Variants in SLC13A3 observed in about 807,000 individuals in gnomAD.
SLC13A3 encodes solute carrier family 13 member 3.
Under a neutral mutation model 59.0 loss-of-function variants are expected in SLC13A3, and 40 were observed. The ratio of observed to expected loss-of-function variants is 0.68; its 90% confidence interval spans 0.53 to 0.88. The LOEUF (loss-of-function observed/expected upper bound fraction) is 0.88. Among genes scored for constraint, SLC13A3 ranks in the 40% least tolerant of loss-of-function variants. SLC13A3 has a pLI of 0.00. For synonymous variants in SLC13A3, 317 were observed against 330.3 expected (o/e 0.96, Z 0.44); for missense variants, 699 against 783.2 (o/e 0.89, Z 1.28).
chr20:46,659,798 C>G (rs1006224694), intron 1 of SLC13A3, among the ~76,000 whole-genome samples: 2 of 151,436 alleles, frequency 1.3e-5, no homozygotes, highest in Admixed American at 1.3e-4. Flanking sequence ...CATTTACCAC[C>G]CTCTTCTCTT....
intron 11 of SLC13A3, 59 bp from the exon 12 acceptor site, chr20:46,563,610 A>AGAGAGAGAGAGAGAGAG: frequency 1.8e-6 from 1 of 560,470 alleles, no homozygotes; most frequent in East Asian, 8.9e-5. Flanking sequence ...CGACCACAGC[A>AGAGAGAGAGAGAGAGAG]AGAGGGAGAG....
chr20:46,606,113 A>C (rs2062435455), intron 3 of SLC13A3, among the ~76,000 whole-genome samples: 1 of 152,226 alleles, frequency 6.6e-6, no homozygotes. Flanking sequence ...GATTCACAAC[A>C]ATGAGAAAGA....
intron 1 of SLC13A3, among the ~76,000 whole-genome samples, chr20:46,639,391 G>A (rs751909088): frequency 1.7e-4 from 26 of 152,218 alleles, no homozygotes; most frequent in Non-Finnish European, 3.1e-4. Context: ...CCTGGGAGGC[G>A]GAGGTTGCAG....
At chr20:46,562,238 A>C (rs959675598) in intron 12 of SLC13A3, among the ~76,000 whole-genome samples, 1 of 152,172 alleles carries the variant, frequency 6.6e-6, no homozygotes, top group African/African-American at 2.4e-5. Context: ...GGTTTGAATA[A>C]GATACCAAGT....
intron 1 of SLC13A3, among the ~76,000 whole-genome samples, chr20:46,648,942 T>TACACACAC (rs113495144): frequency 4.4e-5 from 5 of 114,694 alleles, no homozygotes; most frequent in African/African-American, 1.5e-4. Context: ...CACACACACA[T>TACACACAC]ACACACACAC....
intron 10 of SLC13A3, among the ~76,000 whole-genome samples, chr20:46,574,890 T>A (rs1398564715): frequency 2.0e-5 from 3 of 147,940 alleles, no homozygotes; most frequent in African/African-American, 7.5e-5. Flanking sequence ...CAGGCTGGAG[T>A]ACAGTATTAT....
chr20:46,585,760 A>G (rs1410720076), intron 8 of SLC13A3: 4 of 1,289,388 alleles, frequency 3.1e-6, no homozygotes, highest in Non-Finnish European at 4.1e-6. Context: ...AAAATAAAGC[A>G]TCTACATTTT....
rs1021580398 is a variant in SLC13A3 at position 46,600,279 on chromosome 20, A to G, written c.542-242T>C. On this transcript the variant is annotated intron_variant, in intron 3 of 12. Coordinates refer to ENST00000279027, the MANE Select transcript of SLC13A3 (RefSeq NM_022829.6). ...AAGGAAGGAAAGGAAAGGAAAGGAA[A>G]GGAAAGGGAGGGAAAGAAAGAAAGA... Among the ~76,000 whole-genome samples the G allele has an allele frequency of 4.4e-5, 6 of 135,590 alleles. No individual in the cohort carries two copies. In the East Asian group the frequency reaches 1.1e-3, roughly 24 times the overall value. 89.0% of individuals were successfully genotyped at this position (135,590 alleles called of 152,430 possible). A position where few individuals can be genotyped will look rare whatever the true frequency, so the allele number is the denominator to read the frequency against.
upstream of SLC13A3, among the ~76,000 whole-genome samples, chr20:46,654,147 G>A (rs557036996): frequency 1.3e-4 from 20 of 152,258 alleles, no homozygotes; most frequent in African/African-American, 4.8e-4. Flanking sequence ...ATCCTAATAG[G>A]TGTGAAGTGG....
chr20:46,676,411 C>CTTTTTT (rs543970617), intron 1 of SLC13A3, among the ~76,000 whole-genome samples: 1 of 108,484 alleles, frequency 9.2e-6, no homozygotes, highest in Admixed American at 9.3e-5. Context: ...TCTCTCAACT[C>CTTTTTT]TTTTTTTTTT....
intron 10 of SLC13A3, among the ~76,000 whole-genome samples, chr20:46,570,681 C>T (rs986985459): frequency 6.6e-6 from 1 of 152,198 alleles, no homozygotes; most frequent in African/African-American, 2.4e-5. Flanking sequence ...ATCACTCTTT[C>T]ACCATTGCAA....
intron 5 of SLC13A3, among the ~76,000 whole-genome samples, 168 bp from the exon 6 acceptor site, chr20:46,592,697 T>C (rs1361596992): frequency 2.6e-5 from 4 of 152,150 alleles, no homozygotes; most frequent in Non-Finnish European, 5.9e-5. Flanking sequence ...CACCCTTTTT[T>C]CCTCTTCTTT....
chr20:46,659,777 T>TA (rs1034274036), intron 1 of SLC13A3, among the ~76,000 whole-genome samples: 1 of 139,662 alleles, frequency 7.2e-6, no homozygotes, highest in African/African-American at 2.7e-5. Context: ...GGAAATAATG[T>TA]AAAAAAATTC....
chr20:46,621,579 T>C (rs933832547), intron 1 of SLC13A3, among the ~76,000 whole-genome samples: 3 of 152,202 alleles, frequency 2.0e-5, no homozygotes, highest in East Asian at 1.9e-4. Flanking sequence ...TCCTCTCATC[T>C]TATAGATGGT....
chr20:46,599,323 C>T (rs1025908971), intron 4 of SLC13A3, among the ~76,000 whole-genome samples: 11 of 152,270 alleles, frequency 7.2e-5, no homozygotes, highest in African/African-American at 2.7e-4. Flanking sequence ...CCTGTTGTGT[C>T]ATCACTGTTA....
chr20:46,643,439 G>A (rs1484331722), intron 1 of SLC13A3, among the ~76,000 whole-genome samples: 1 of 152,140 alleles, frequency 6.6e-6, no homozygotes, highest in Non-Finnish European at 1.5e-5. Flanking sequence ...GGAGAACAGA[G>A]GTTCAGAACG....
rs544977383 is a variant in SLC13A3, at chr20:46,561,997, C to A, written c.1632+1417G>T. 9.2e-5 allele frequency among the ~76,000 whole-genome samples: 14 copies of A among 152,332 alleles called. No homozygotes were observed. The South Asian group carries it at 2.9e-3, about 32-fold the overall frequency. ...GGGTGCCCCTTGTACCCCTCCACATCTCTTGCAAGTCTCTACCTCTTGGGG... is the reference window on the plus strand; with the variant it reads ...GGGTGCCCCTTGTACCCCTCCACATATCTTGCAAGTCTCTACCTCTTGGGG... On this transcript the variant is annotated intron_variant, in intron 12 of 12. Coordinates refer to ENST00000279027, the MANE Select transcript of SLC13A3 (RefSeq NM_022829.6).
At chr20:46,601,932 G>A (rs1455585606) in intron 3 of SLC13A3, among the ~76,000 whole-genome samples, 2 of 152,140 alleles carry the variant, frequency 1.3e-5, no homozygotes. Flanking sequence ...ATCATGCAGG[G>A]ATCTCAGAGC....
chr20:46,581,895 G>T (rs1370959517), intron 9 of SLC13A3, among the ~76,000 whole-genome samples: 2 of 152,120 alleles, frequency 1.3e-5, no homozygotes, highest in Non-Finnish European at 2.9e-5. Context: ...AGCAGAGATG[G>T]AGAAAAACTG....
Sources: gnomAD v4.1 joint callset for allele counts (sites outside exome capture counted in the v4.1 genomes callset) on GRCh38, gnomAD v4.1.1 for gene constraint, MANE v1.5 for transcripts, NCBI Gene and HGNC (gene_info 2026-07-23, HGNC 2026-07-21) for gene names.